Variants in B3GALT1 observed in about 807,000 individuals in gnomAD.
B3GALT1 encodes the protein beta-1,3-galactosyltransferase 1.
Under a neutral mutation model 23.2 loss-of-function variants are expected in B3GALT1, and 10 were observed. That is an observed-to-expected ratio of 0.43 (90% CI 0.27 to 0.73). The LOEUF is 0.73. B3GALT1 is among the 30% of genes least tolerant of loss of function. B3GALT1 has a pLI of 0.21. For missense variants in B3GALT1, 299 were observed against 405.4 expected (o/e 0.74, Z 2.25); for synonymous variants, 156 against 141.5 (o/e 1.10, Z -0.73).
Position 167,781,248 on chromosome 2 carries a change from T to G in B3GALT1, c.-351-37424T>G, listed in dbSNP as rs1287000183. 2.0e-5 allele frequency among the ~76,000 whole-genome samples: 3 copies of G among 152,308 alleles called. No individual in the cohort carries two copies. The East Asian group carries it at 5.8e-4, about 29-fold the overall frequency. On this transcript the variant is annotated intron_variant, in intron 3 of 4. Transcript: ENST00000392690. Reference sequence around the variant, plus strand: ...CAGAGTTCTTTAATACTGTTAAATTTAAGGGTGAAAAAGAGAATGATGGAC... The same window carrying G: ...CAGAGTTCTTTAATACTGTTAAATTGAAGGGTGAAAAAGAGAATGATGGAC...
At chr2:167,665,538 G>A (rs1230212543) in intron 3 of B3GALT1, among the ~76,000 whole-genome samples, 1 of 151,448 alleles carries the variant, frequency 6.6e-6, no homozygotes, top group Non-Finnish European at 1.5e-5. Context: ...AGAAGGAATG[G>A]TACCAGTTCC....
At chr2:167,781,275 A>G (rs1431302515) in intron 3 of B3GALT1, among the ~76,000 whole-genome samples, 6 of 152,168 alleles carry the variant, frequency 3.9e-5, no homozygotes, top group Non-Finnish European at 8.8e-5. Context: ...ATGATGGACC[A>G]TTTTTTGGAT....
chr2:167,820,185 C>T (rs997368006), intron 4 of B3GALT1, among the ~76,000 whole-genome samples: 8 of 152,092 alleles, frequency 5.3e-5, no homozygotes, highest in African/African-American at 1.9e-4. Context: ...GGGATCTTAG[C>T]GTCCAATGGA....
intron 2 of B3GALT1, among the ~76,000 whole-genome samples, chr2:167,548,281 A>G (rs1683676864): frequency 6.6e-6 from 1 of 152,162 alleles, no homozygotes; most frequent in Non-Finnish European, 1.5e-5. Context: ...AGAGAAGGAA[A>G]TCAAAAAGAG....
chr2:167,497,838 G>C (rs977486446), intron 2 of B3GALT1, among the ~76,000 whole-genome samples: 2 of 151,706 alleles, frequency 1.3e-5, no homozygotes, highest in African/African-American at 2.4e-5. Flanking sequence ...GGATTCCCAA[G>C]TACCCAACAT....
intron 3 of B3GALT1, among the ~76,000 whole-genome samples, chr2:167,771,388 G>T (rs1688070304): frequency 1.3e-5 from 2 of 152,080 alleles, no homozygotes; most frequent in South Asian, 4.1e-4. Flanking sequence ...TCAACAGTTT[G>T]AGACCAGCCT....
intron 2 of B3GALT1, among the ~76,000 whole-genome samples, chr2:167,530,332 CT>C (rs1683304782): frequency 6.6e-6 from 1 of 151,956 alleles, no homozygotes; most frequent in African/African-American, 2.4e-5. Flanking sequence ...TCTTTTTTGT[CT>C]GTTTCACCCA....
intron 1 of B3GALT1, among the ~76,000 whole-genome samples, chr2:167,447,567 A>T (rs1022680408): frequency 6.6e-6 from 1 of 151,712 alleles, no homozygotes; most frequent in Non-Finnish European, 1.5e-5. Flanking sequence ...AATGGCAGGC[A>T]CCCCTCCCCC....
chr2:167,567,196 A>C (rs12464606), intron 2 of B3GALT1, among the ~76,000 whole-genome samples: 80 of 152,280 alleles, frequency 5.3e-4, no homozygotes, highest in Admixed American at 4.8e-3. Context: ...GTATTAGAAC[A>C]GTGACTGGTG....
intron 3 of B3GALT1, among the ~76,000 whole-genome samples, chr2:167,666,103 C>A (rs992535377): frequency 3.9e-5 from 6 of 152,164 alleles, no homozygotes. Context: ...GTAAATTTCC[C>A]TCTACACACT....
intron 3 of B3GALT1, among the ~76,000 whole-genome samples, chr2:167,739,717 T>G (rs1445867514): frequency 6.6e-6 from 1 of 152,054 alleles, no homozygotes; most frequent in African/African-American, 2.4e-5. Context: ...CCCATAGAAG[T>G]TCAATAAATA....
intron 4 of B3GALT1, among the ~76,000 whole-genome samples, chr2:167,837,918 T>A (rs887727055): frequency 1.5e-4 from 23 of 152,276 alleles, no homozygotes; most frequent in Non-Finnish European, 2.5e-4. Context: ...AACCTGCTCC[T>A]GAATGACTAC....
At chr2:167,746,500 GT>G (rs1687654429) in intron 3 of B3GALT1, among the ~76,000 whole-genome samples, 1 of 152,146 alleles carries the variant, frequency 6.6e-6, no homozygotes, top group Admixed American at 6.5e-5. Context: ...GTGATTTGTT[GT>G]TTTCTAAAAA....
At chr2:167,788,408 C>T (rs1688378181) in intron 3 of B3GALT1, among the ~76,000 whole-genome samples, 6 of 151,884 alleles carry the variant, frequency 4.0e-5, no homozygotes, top group Admixed American at 3.3e-4. Flanking sequence ...CAGTGGGACC[C>T]CTGAGCTTGT....
In B3GALT1 at chr2:167,859,861, A is replaced by G. The variant is rs145137243; in HGVS notation, c.-229-8950A>G. Among the ~76,000 whole-genome samples the G allele has an allele frequency of 1.1e-3, 166 of 152,278 alleles. 1 individual carries two copies. Among genetic ancestry groups the G allele is most frequent in the African/African-American group, 3.8e-3 (160 of 41,562 alleles). Reference sequence around the variant, plus strand: ...TGAGCGTTCAGGGATTTCAACATCTATGGGTAGATTTCCTTAAATAGCCAA... The same window carrying G: ...TGAGCGTTCAGGGATTTCAACATCTGTGGGTAGATTTCCTTAAATAGCCAA... On this transcript the variant is annotated intron_variant, in intron 4 of 4. Coordinates refer to ENST00000392690, the MANE Select transcript of B3GALT1 (RefSeq NM_020981.4).
At chr2:167,512,534 G>A (rs960476305) in intron 2 of B3GALT1, among the ~76,000 whole-genome samples, 11 of 100,540 alleles carry the variant, frequency 1.1e-4, no homozygotes, top group African/African-American at 4.4e-4. Context: ...ATGTGTGTGT[G>A]TATATATATA....
chr2:167,485,223 T>C (rs1027448960), intron 1 of B3GALT1, among the ~76,000 whole-genome samples: 1 of 152,162 alleles, frequency 6.6e-6, no homozygotes, highest in African/African-American at 2.4e-5. Flanking sequence ...TATCAAAATA[T>C]AATGCTATTA....
intron 1 of B3GALT1, among the ~76,000 whole-genome samples, chr2:167,387,012 C>CATCATATCATATCATAT (rs564368031): frequency 2.0e-5 from 3 of 151,120 alleles, no homozygotes; most frequent in African/African-American, 7.4e-5. Context: ...TAGGTAGTCT[C>CATCATATCATATCATAT]ATCATATCAT....
At chr2:167,390,491 A>G (rs1284109180) in intron 1 of B3GALT1, among the ~76,000 whole-genome samples, 1 of 152,194 alleles carries the variant, frequency 6.6e-6, no homozygotes, top group African/African-American at 2.4e-5. Context: ...TCTCAATTAG[A>G]GTGCATGTAT....
Sources: allele counts gnomAD v4.1 joint callset (sites outside exome capture counted in the v4.1 genomes callset), GRCh38; gene constraint gnomAD v4.1.1; transcripts MANE v1.5; gene names NCBI Gene and HGNC (gene_info 2026-07-23, HGNC 2026-07-21).